Variants in TENM2 observed in about 807,000 individuals in gnomAD.
TENM2 encodes the protein teneurin-2.
TENM2 carries 52 observed loss-of-function variants against 245.2 expected under a neutral mutation model. The ratio of observed to expected loss-of-function variants is 0.21; its 90% CI spans 0.17 to 0.27. The LOEUF is 0.27. Among genes scored for constraint, TENM2 ranks in the 10% least tolerant of loss-of-function variants. The probability of loss-of-function intolerance (pLI) is 1.00; values close to 1 mark genes in which losing one functional copy is unlikely to be tolerated. For missense variants in TENM2, 3,046 were observed against 3,666.8 expected (o/e 0.83, Z 4.37); for synonymous variants, 1,363 against 1,438.9 (o/e 0.95, Z 1.19).
chr5:167,228,553 A>AT, the TENM2 span, among the ~76,000 whole-genome samples: 25 of 150,978 alleles, frequency 1.7e-4, no homozygotes, highest in African/African-American at 5.6e-4. Flanking sequence ...AAAATTTTGA[A>AT]TTTTTTTTGA....
intron 5 of TENM2, among the ~76,000 whole-genome samples, chr5:168,014,621 T>C (rs962062728): frequency 6.6e-6 from 1 of 152,218 alleles, no homozygotes; most frequent in African/African-American, 2.4e-5. Context: ...CTAGGCGTAA[T>C]GGTTTCCTCT....
chr5:168,007,238 C>T (rs1252999523), intron 5 of TENM2, among the ~76,000 whole-genome samples: 1 of 152,126 alleles, frequency 6.6e-6, no homozygotes, highest in Non-Finnish European at 1.5e-5. Flanking sequence ...AAGCAATTCT[C>T]CCGCCTCAGC....
At chr5:167,777,530 T>C (rs1054499061) in intron 2 of TENM2, among the ~76,000 whole-genome samples, 1 of 152,206 alleles carries the variant, frequency 6.6e-6, no homozygotes, top group African/African-American at 2.4e-5. Context: ...TTGGGTTCCC[T>C]GGCCTTGAAT....
the TENM2 span, among the ~76,000 whole-genome samples, chr5:167,065,238 T>C: frequency 2.0e-5 from 3 of 152,188 alleles, no homozygotes; most frequent in African/African-American, 4.8e-5. Flanking sequence ...TATTTAAAAG[T>C]TTAGCACATA....
At chr5:167,198,751 A>T in the TENM2 span, among the ~76,000 whole-genome samples, 4 of 152,060 alleles carry the variant, frequency 2.6e-5, no homozygotes, top group African/African-American at 9.7e-5. Flanking sequence ...GTCTTGTGGC[A>T]CACACAGTTG....
intron 5 of TENM2, among the ~76,000 whole-genome samples, chr5:168,036,374 C>T (rs1462345487): frequency 6.6e-6 from 1 of 152,048 alleles, no homozygotes; most frequent in Admixed American, 6.6e-5. Context: ...TGGTGGCTCA[C>T]GCCTGTAATC....
intron 2 of TENM2, among the ~76,000 whole-genome samples, chr5:167,383,986 A>G (rs1761260328): frequency 6.6e-6 from 1 of 152,222 alleles, no homozygotes. Context: ...AGCCTAAGCA[A>G]CCACTCACTC....
intron 2 of TENM2, among the ~76,000 whole-genome samples, chr5:167,484,107 G>A (rs1767922380): frequency 6.6e-6 from 1 of 152,170 alleles, no homozygotes; most frequent in Admixed American, 6.5e-5. Context: ...AGCCCTTTGG[G>A]AAACTGAGGC....
At chr5:168,088,071 T>TGG (rs1419811834) in intron 7 of TENM2, among the ~76,000 whole-genome samples, 20 of 152,306 alleles carry the variant, frequency 1.3e-4, no homozygotes, top group African/African-American at 4.8e-4. Context: ...CTAAGCCATT[T>TGG]CTGTTTCCCT....
At chr5:167,855,155 T>C (rs1038468743) in intron 2 of TENM2, among the ~76,000 whole-genome samples, 1 of 152,152 alleles carries the variant, frequency 6.6e-6, no homozygotes, top group African/African-American at 2.4e-5. Flanking sequence ...TGCTTGCTGT[T>C]CCTAGAATAT....
At chr5:167,963,746 G>A (rs972658471) in intron 4 of TENM2, among the ~76,000 whole-genome samples, 2 of 152,020 alleles carry the variant, frequency 1.3e-5, no homozygotes, top group Non-Finnish European at 2.9e-5. Flanking sequence ...GTCCCCATCA[G>A]TCTTAATGAA....
At chr5:167,264,168 C>T in the TENM2 span, among the ~76,000 whole-genome samples, 3 of 150,460 alleles carry the variant, frequency 2.0e-5, no homozygotes, top group East Asian at 3.9e-4. Context: ...CTCATGTTCT[C>T]GCAGTGGTTG....
chr5:168,204,548 C>A lies in TENM2; in HGVS notation c.3751C>A (p.Leu1251Ile), dbSNP rs371547804. 2.5e-6 allele frequency: 4 copies of A among 1,613,906 alleles called. No homozygotes were observed. The African/African-American group carries it at 4.0e-5, about 16-fold the overall frequency. ...TCTGGCTGTTGGAATCGATGGGAGC[C>A]TCTATGTGGGTGACTTCAATTACAT... is the stretch of plus-strand genomic sequence containing the variant. The change falls in exon 19 of 29, where the codon CTC becomes ATC. Residue 1251 changes from leucine (L) to isoleucine (I), a missense_variant. Leu to Ile is a conservative substitution (Grantham distance 5). Transcript: ENST00000518659.
the TENM2 span, among the ~76,000 whole-genome samples, chr5:167,114,281 A>G: frequency 2.0e-5 from 3 of 152,304 alleles, no homozygotes; most frequent in South Asian, 4.1e-4. Context: ...TCCCATAGCT[A>G]TAAGTAGTCT....
At chr5:167,870,924 G>A (rs559261653) in intron 2 of TENM2, among the ~76,000 whole-genome samples, 3 of 152,044 alleles carry the variant, frequency 2.0e-5, no homozygotes, top group South Asian at 2.1e-4. Context: ...AAAAGAACCC[G>A]TTGTTTTAAG....
intron 3 of TENM2, among the ~76,000 whole-genome samples, chr5:167,919,475 G>T (rs899122247): frequency 6.6e-6 from 1 of 152,226 alleles, no homozygotes; most frequent in African/African-American, 2.4e-5. Context: ...GTGGTATTGG[G>T]TAGGAAGCCT....
chr5:167,832,266 T>C (rs147691629), intron 2 of TENM2, among the ~76,000 whole-genome samples: 63 of 152,316 alleles, frequency 4.1e-4, no homozygotes, highest in African/African-American at 1.4e-3. Flanking sequence ...GTCAGGACAA[T>C]AAACCATCTG....
At chr5:167,576,923 AT>A (rs771662041) in intron 2 of TENM2, among the ~76,000 whole-genome samples, 1 of 152,218 alleles carries the variant, frequency 6.6e-6, no homozygotes, top group Non-Finnish European at 1.5e-5. Flanking sequence ...GCCCAATAGG[AT>A]TTTCCTCAGA....
intron 2 of TENM2, among the ~76,000 whole-genome samples, chr5:167,378,174 T>G (rs1760878429): frequency 6.6e-6 from 1 of 152,098 alleles, no homozygotes; most frequent in African/African-American, 2.4e-5. Flanking sequence ...TGAAGACAGA[T>G]CTCAGAAACC....
Sources: allele counts gnomAD v4.1 joint callset (sites outside exome capture counted in the v4.1 genomes callset), GRCh38; gene constraint gnomAD v4.1.1; transcripts MANE v1.5; gene names NCBI Gene and HGNC (gene_info 2026-07-23, HGNC 2026-07-21).